Variants in KLRG1 observed in about 807,000 individuals in gnomAD.
The protein encoded by KLRG1 is killer cell lectin-like receptor subfamily G member 1.
KLRG1 carries 16 observed loss-of-function variants against 21.8 expected under a neutral mutation model. The ratio of observed to expected loss-of-function variants is 0.73; its 90% CI spans 0.50 to 1.11. The LOEUF (loss-of-function observed/expected upper bound fraction) is 1.11. KLRG1 is among the 50% of genes most tolerant of loss of function. The pLI is 0.00. For synonymous variants in KLRG1, 69 were observed against 75.9 expected, an observed-to-expected ratio of 0.91 and a Z score of 0.47; for missense variants, 173 against 218.3, an observed-to-expected ratio of 0.79 and a Z score of 1.31.
At chr12:9,053,742 G>C in the KLRG1 span, among the ~76,000 whole-genome samples, 5 of 152,258 alleles carry the variant, frequency 3.3e-5, no homozygotes, top group South Asian at 1.0e-3. Context: ...ACCCTAGATC[G>C]TAGTTCCCCT....
At chr12:9,027,158 G>A in the KLRG1 span, among the ~76,000 whole-genome samples, 1 of 151,890 alleles carries the variant, frequency 6.6e-6, no homozygotes, top group Non-Finnish European at 1.5e-5. Context: ...TGTGTGTGAG[G>A]TGAGAACACT....
At chr12:9,158,373 T>A in the KLRG1 span, 3 of 1,600,912 alleles carry the variant, frequency 1.9e-6, no homozygotes, top group Non-Finnish European at 2.6e-6. Flanking sequence ...CCCTGGGGGA[T>A]GTTATGTTGA....
the KLRG1 span, among the ~76,000 whole-genome samples, chr12:9,118,394 G>A: frequency 2.0e-5 from 3 of 152,168 alleles, no homozygotes; most frequent in South Asian, 2.1e-4. Flanking sequence ...ACAGTTCTGC[G>A]CTTCCCCTTT....
chr12:9,187,107 C>G, the KLRG1 span, among the ~76,000 whole-genome samples: 2 of 143,322 alleles, frequency 1.4e-5, no homozygotes, highest in African/African-American at 2.6e-5. Context: ...AAGAGAATTG[C>G]ATAATGGTAA....
At chr12:8,981,609 T>A (rs764878695) in intron 1 of KLRG1, among the ~76,000 whole-genome samples, 1 of 152,148 alleles carries the variant, frequency 6.6e-6, no homozygotes, top group Non-Finnish European at 1.5e-5. Context: ...AAAATATATC[T>A]GTAAGATTTT....
chr12:9,097,853 A>C, the KLRG1 span, among the ~76,000 whole-genome samples: 4 of 152,120 alleles, frequency 2.6e-5, no homozygotes, highest in African/African-American at 9.7e-5. Flanking sequence ...GACTGGTCTC[A>C]AACTCCTGAT....
the KLRG1 span, chr12:9,200,274 G>C: frequency 1.6e-5 from 13 of 826,664 alleles, no homozygotes; most frequent in African/African-American, 1.7e-4. Context: ...CAAAAGTGCT[G>C]AGGCAAAGTA....
chr12:9,028,040 A>G, the KLRG1 span: 1 of 1,290,278 alleles, frequency 7.8e-7, no homozygotes, highest in Non-Finnish European at 1.1e-6. Context: ...CAAAGGTTAC[A>G]AAGGCAAAGT....
chr12:9,160,952 A>G, the KLRG1 span: 3 of 1,176,600 alleles, frequency 2.5e-6, no homozygotes, highest in South Asian at 1.3e-5. Flanking sequence ...CAAGAACTTG[A>G]TAATTCAAAT....
At chr12:9,151,605 T>C in the KLRG1 span, 1 of 1,613,448 alleles carries the variant, frequency 6.2e-7, no homozygotes, top group East Asian at 2.2e-5. Context: ...AGCCCTCACC[T>C]GTTCCACATA....
At chr12:9,041,552 GTGT>G in the KLRG1 span, among the ~76,000 whole-genome samples, 2 of 152,130 alleles carry the variant, frequency 1.3e-5, no homozygotes, top group East Asian at 3.9e-4. Context: ...TGTGGAGCTG[GTGT>G]TGTGTGTCTT....
the KLRG1 span, among the ~76,000 whole-genome samples, chr12:9,031,065 A>T: frequency 6.6e-6 from 1 of 152,228 alleles, no homozygotes; most frequent in African/African-American, 2.4e-5. Flanking sequence ...TTAACATTTT[A>T]GAATTAATTT....
chr12:8,961,162 C>T (rs1176240595), intron 1 of KLRG1, among the ~76,000 whole-genome samples: 1 of 152,154 alleles, frequency 6.6e-6, no homozygotes, highest in Non-Finnish European at 1.5e-5. Flanking sequence ...ACTTGGGAGG[C>T]AAGAAAAACC....
the KLRG1 span, chr12:9,068,244 C>T: frequency 6.3e-7 from 1 of 1,591,468 alleles, no homozygotes; most frequent in Non-Finnish European, 8.5e-7. Flanking sequence ...AAAAAACCAA[C>T]AAAAAACCAG....
At chr12:9,192,478 A>G in the KLRG1 span, 2 of 1,575,846 alleles carry the variant, frequency 1.3e-6, no homozygotes, top group Non-Finnish European at 1.7e-6. Context: ...TCCTACTGAT[A>G]AGCTGCAATT....
the KLRG1 span, chr12:9,079,137 C>T: frequency 3.5e-4 from 286 of 811,788 alleles, 1 homozygote; most frequent in Non-Finnish European, 5.1e-4. Flanking sequence ...AACAAACCAT[C>T]GGTCTGATAA....
the KLRG1 span, chr12:9,095,143 C>T: frequency 2.3e-6 from 2 of 884,774 alleles, no homozygotes; most frequent in Non-Finnish European, 1.7e-6. Context: ...ACATAGGTAG[C>T]TACTTCTTTT....
At chr12:8,965,990 A>T (rs929686061) in intron 1 of KLRG1, among the ~76,000 whole-genome samples, 3 of 152,182 alleles carry the variant, frequency 2.0e-5, no homozygotes, top group Non-Finnish European at 4.4e-5. Context: ...CAAAACAGAG[A>T]TATAGACCAA....
chr12:8,991,323 C>G (rs1381491635), intron 1 of KLRG1, among the ~76,000 whole-genome samples: 1 of 152,082 alleles, frequency 6.6e-6, no homozygotes, highest in African/African-American at 2.4e-5. Flanking sequence ...AAGTAGTGTC[C>G]TATTCTTAAA....
Sources: allele counts gnomAD v4.1 joint callset (sites outside exome capture counted in the v4.1 genomes callset), GRCh38; gene constraint gnomAD v4.1.1; transcripts MANE v1.5; gene names NCBI Gene and HGNC (gene_info 2026-07-23, HGNC 2026-07-21).